AK5: variants seen among roughly 807,000 people sequenced by gnomAD.
The protein encoded by AK5 is adenylate kinase 5, also known as adenylate kinase isoenzyme 5.
AK5 carries 27 observed loss-of-function variants against 69.5 expected under a neutral mutation model. The observed-to-expected ratio is 0.39, with a 90% CI of 0.29 to 0.54. The LOEUF (loss-of-function observed/expected upper bound fraction) is 0.54, where lower values mean the gene tolerates loss of function less well. Among genes scored for constraint, AK5 ranks in the 20% least tolerant of loss-of-function variants. The probability of loss-of-function intolerance (pLI) is 0.71; values close to 1 mark genes in which losing one functional copy is unlikely to be tolerated. For synonymous variants in AK5, 260 were observed against 244.4 expected, an observed-to-expected ratio of 1.06 and a Z score of -0.60; for missense variants, 531 against 700.4, an observed-to-expected ratio of 0.76 and a Z score of 2.73.
intron 10 of AK5, among the ~76,000 whole-genome samples, chr1:77,500,062 G>A (rs1656620144): frequency 6.6e-6 from 1 of 151,730 alleles, no homozygotes; most frequent in Non-Finnish European, 1.5e-5. Context: ...ATTATCAGAA[G>A]CAAATGTACT....
intron 10 of AK5, among the ~76,000 whole-genome samples, chr1:77,488,548 T>C (rs113097075): frequency 6.6e-6 from 1 of 152,164 alleles, no homozygotes; most frequent in Non-Finnish European, 1.5e-5. Context: ...AATACATATA[T>C]ACATATAGGA....
rs138837511 is a variant in AK5 at position 77,404,230 on chromosome 1, C to G, written c.892-6751C>G. Among the ~76,000 whole-genome samples the G allele has an allele frequency of 1.8e-4, 28 of 152,236 alleles. No homozygotes were observed. In the East Asian group the frequency reaches 5.4e-3, roughly 29 times the overall value. On this transcript the variant is annotated intron_variant, in intron 6 of 13. Transcript: ENST00000354567. ...GGCTTCACAATTTTTTCACGACTGA[C>G]ATTTTATGAGATGGGACAAATCTTT... is the stretch of plus-strand genomic sequence containing the variant.
At chr1:77,466,925 T>G (rs1166214283) in intron 8 of AK5, among the ~76,000 whole-genome samples, 1 of 152,146 alleles carries the variant, frequency 6.6e-6, no homozygotes, top group Non-Finnish European at 1.5e-5. Flanking sequence ...ATCTAGTGCT[T>G]TTGCCAACAT....
At chr1:77,337,198 C>T (rs1215139488) in intron 5 of AK5, among the ~76,000 whole-genome samples, 4 of 152,090 alleles carry the variant, frequency 2.6e-5, no homozygotes, top group African/African-American at 7.2e-5. Flanking sequence ...GTTTCAAAAG[C>T]CAATACCTGT....
chr1:77,424,176 T>A (rs1468694130), intron 8 of AK5, among the ~76,000 whole-genome samples: 1 of 152,166 alleles, frequency 6.6e-6, no homozygotes, highest in Non-Finnish European at 1.5e-5. Context: ...ACAAGGTATG[T>A]CAAAAGGCAA....
intron 10 of AK5, among the ~76,000 whole-genome samples, chr1:77,491,541 G>A (rs1185842296): frequency 1.3e-5 from 2 of 151,998 alleles, no homozygotes; most frequent in South Asian, 2.1e-4. Context: ...TCCTGACCTC[G>A]TGATCCACCG....
intron 6 of AK5, among the ~76,000 whole-genome samples, chr1:77,368,262 GT>G (rs1647048482): frequency 1.7e-5 from 1 of 59,398 alleles, no homozygotes; most frequent in South Asian, 7.5e-4. Flanking sequence ...TAATATATAT[GT>G]TATATATATG....
intron 13 of AK5, among the ~76,000 whole-genome samples, chr1:77,555,518 C>G (rs1660057006): frequency 6.6e-6 from 1 of 152,200 alleles, no homozygotes; most frequent in African/African-American, 2.4e-5. Context: ...TCTCCACTTA[C>G]TTAACCACAT....
chr1:77,500,071 C>T (rs1364393024), intron 10 of AK5, among the ~76,000 whole-genome samples: 2 of 151,786 alleles, frequency 1.3e-5, no homozygotes, highest in Non-Finnish European at 2.9e-5. Context: ...AGCAAATGTA[C>T]TAATCTGTCT....
chr1:77,496,433 C>T (rs2100746343), intron 10 of AK5, among the ~76,000 whole-genome samples: 1 of 152,284 alleles, frequency 6.6e-6, no homozygotes, highest in South Asian at 2.1e-4. Context: ...TCAGATGGAG[C>T]ACTCTGCCAA....
intron 7 of AK5, among the ~76,000 whole-genome samples, chr1:77,414,357 C>T (rs183525991): frequency 7.9e-5 from 12 of 152,202 alleles, no homozygotes; most frequent in African/African-American, 2.6e-4. Context: ...TTACGGACAC[C>T]CTTCACTGCT....
chr1:77,455,230 T>C (rs1055966059), intron 8 of AK5, among the ~76,000 whole-genome samples: 3 of 152,206 alleles, frequency 2.0e-5, no homozygotes, highest in African/African-American at 7.2e-5. Flanking sequence ...ATCTGAATGA[T>C]TGTTTTCCCC....
At chr1:77,351,664 A>AT (rs1489246992) in intron 6 of AK5, among the ~76,000 whole-genome samples, 1 of 152,166 alleles carries the variant, frequency 6.6e-6, no homozygotes, top group Non-Finnish European at 1.5e-5. Flanking sequence ...TTAGGAAAGC[A>AT]AAAGCTTTCC....
intron 6 of AK5, among the ~76,000 whole-genome samples, chr1:77,405,081 T>A (rs1261038287): frequency 2.6e-5 from 4 of 152,216 alleles, no homozygotes; most frequent in African/African-American, 9.7e-5. Context: ...ATCATATGCA[T>A]GTATGTTACA....
intron 6 of AK5, among the ~76,000 whole-genome samples, chr1:77,383,932 A>G (rs989118677): frequency 6.8e-6 from 1 of 147,516 alleles, no homozygotes; most frequent in African/African-American, 2.5e-5. Context: ...ATTTCCCTTC[A>G]CTATTGAGCA....
chr1:77,300,109 T>A (rs1721165), intron 5 of AK5, among the ~76,000 whole-genome samples: 1 of 152,064 alleles, frequency 6.6e-6, no homozygotes, highest in Non-Finnish European at 1.5e-5. Context: ...TTCCTACTCA[T>A]GTGACTTGCA....
chr1:77,558,528 ATAGTGT>A, intron 13 of AK5, 68 bp from the exon 14 acceptor site: 1 of 956,384 alleles, frequency 1.0e-6, no homozygotes, highest in Non-Finnish European at 1.6e-6. Context: ...TGAGCAAGTG[ATAGTGT>A]TCTTTCATTA....
chr1:77,378,618 G>A (rs1220058599), intron 6 of AK5, among the ~76,000 whole-genome samples: 1 of 152,160 alleles, frequency 6.6e-6, no homozygotes, highest in East Asian at 1.9e-4. Flanking sequence ...ATCGCACCAG[G>A]CCAGTATAAT....
chr1:77,429,559 G>A (rs1048351885), intron 8 of AK5, among the ~76,000 whole-genome samples: 3 of 152,204 alleles, frequency 2.0e-5, no homozygotes, highest in Non-Finnish European at 4.4e-5. Context: ...AGTAGAACTA[G>A]ACAAGAATAG....
Sources: gnomAD v4.1 joint callset for allele counts (sites outside exome capture counted in the v4.1 genomes callset) on GRCh38, gnomAD v4.1.1 for gene constraint, MANE v1.5 for transcripts, NCBI Gene and HGNC (gene_info 2026-07-23, HGNC 2026-07-21) for gene names.